The following SNTG1 variants were observed in gnomAD, a reference collection of about 807,000 sequenced individuals.
The protein encoded by SNTG1 is syntrophin gamma 1.
In SNTG1, 39 loss-of-function variants were observed where a neutral mutation model predicts 74.7. That is an observed-to-expected ratio of 0.52 (90% CI 0.40 to 0.68). SNTG1 has a LOEUF of 0.68. Ranked by LOEUF, SNTG1 falls within the 30% of genes least tolerant of loss-of-function variation. The pLI is 0.00. For synonymous variants in SNTG1, 254 were observed against 217.1 expected, an observed-to-expected ratio of 1.17 and a Z score of -1.49; for missense variants, 685 against 609.5, an observed-to-expected ratio of 1.12 and a Z score of -1.30.
chr8:50,079,306 CCAGTGATAAT>C (rs1201123025), intron 1 of SNTG1, among the ~76,000 whole-genome samples: 2 of 152,116 alleles, frequency 1.3e-5, no homozygotes, highest in African/African-American at 2.4e-5. Context: ...TCTCTAATGA[CCAGTGATAAT>C]CAGCTTTTTT....
intron 17 of SNTG1, among the ~76,000 whole-genome samples, chr8:50,716,931 T>C (rs1004603600): frequency 6.6e-6 from 1 of 151,826 alleles, no homozygotes; most frequent in African/African-American, 2.4e-5. Context: ...GGAGACTAAG[T>C]TTCACCGTGT....
At chr8:50,226,721 T>A (rs1041086626) in intron 2 of SNTG1, among the ~76,000 whole-genome samples, 3 of 152,130 alleles carry the variant, frequency 2.0e-5, no homozygotes, top group African/African-American at 7.2e-5. Context: ...GTTTCTTAAG[T>A]GTATTTGGTT....
intron 1 of SNTG1, among the ~76,000 whole-genome samples, chr8:49,938,418 G>T (rs1428563374): frequency 6.6e-6 from 1 of 152,004 alleles, no homozygotes. Context: ...TATTAAATTG[G>T]ATACTCAGGA....
At chr8:50,205,920 G>T (rs551225064) in intron 2 of SNTG1, among the ~76,000 whole-genome samples, 1 of 152,166 alleles carries the variant, frequency 6.6e-6, no homozygotes, top group South Asian at 2.1e-4. Context: ...CTGTTCCATT[G>T]GTCTATATAT....
intron 13 of SNTG1, among the ~76,000 whole-genome samples, chr8:50,651,629 G>A (rs28470793): frequency 0.21 from 32,446 of 151,026 alleles, 3,876 homozygotes; most frequent in African/African-American, 0.31. Flanking sequence ...AACTAATTTT[G>A]TATTTTTAGT....
chr8:50,520,724 A>G (rs2094172762), intron 9 of SNTG1, among the ~76,000 whole-genome samples: 1 of 152,226 alleles, frequency 6.6e-6, no homozygotes, highest in African/African-American at 2.4e-5. Flanking sequence ...ACAACGAGAT[A>G]CCATCTCACG....
chr8:50,687,070 G>A (rs995665397), intron 15 of SNTG1, among the ~76,000 whole-genome samples: 15 of 151,062 alleles, frequency 9.9e-5, no homozygotes, highest in African/African-American at 3.2e-4. Context: ...GGGAAGCGGA[G>A]CTTGCAGTGA....
chr8:50,406,044 A>T (rs1349920314), intron 4 of SNTG1, among the ~76,000 whole-genome samples: 1 of 152,142 alleles, frequency 6.6e-6, no homozygotes, highest in African/African-American at 2.4e-5. Flanking sequence ...TTAAGATCTC[A>T]AATAAATTTT....
At chr8:50,780,652 C>T (rs1377094300) in intron 18 of SNTG1, among the ~76,000 whole-genome samples, 1 of 152,168 alleles carries the variant, frequency 6.6e-6, no homozygotes, top group Non-Finnish European at 1.5e-5. Context: ...TTCAAAAAAC[C>T]AGCTCCTGGA....
chr8:49,996,348 A>G (rs1281119586), intron 1 of SNTG1, among the ~76,000 whole-genome samples: 1 of 151,524 alleles, frequency 6.6e-6, no homozygotes, highest in African/African-American at 2.4e-5. Flanking sequence ...CAAGGTAAAA[A>G]ATTAAAGAAG....
At chr8:50,008,554 A>G (rs966305908) in intron 1 of SNTG1, among the ~76,000 whole-genome samples, 11 of 152,178 alleles carry the variant, frequency 7.2e-5, no homozygotes, top group Non-Finnish European at 1.5e-4. Context: ...GGATGGATCA[A>G]TGGACAAGTG....
chr8:50,599,593 T>G (rs1397786443), intron 13 of SNTG1, among the ~76,000 whole-genome samples: 1 of 152,102 alleles, frequency 6.6e-6, no homozygotes, highest in Non-Finnish European at 1.5e-5. Flanking sequence ...TATTTGTGAC[T>G]ATTACAAATG....
chr8:49,985,876 C>A (rs1044963226), intron 1 of SNTG1, among the ~76,000 whole-genome samples: 1 of 152,044 alleles, frequency 6.6e-6, no homozygotes, highest in African/African-American at 2.4e-5. Context: ...CTTAGTAAAT[C>A]TGATATGACC....
chr8:50,153,099 C>T lies in SNTG1; in HGVS notation c.-102-19462C>T, dbSNP rs193011247. Among the ~76,000 whole-genome samples, 15 of 152,230 alleles carry T rather than the reference C, an allele frequency of 9.9e-5. No individual in the cohort carries two copies. In the East Asian group the frequency reaches 1.7e-3, roughly 18 times the overall value. ...TACCATATTTCTTGGAGGCCTTGTT[C>T]GTTTCTTTTTACTCTTTTTTCTCTA... is the stretch of plus-strand genomic sequence containing the variant. On this transcript the variant is annotated intron_variant, in intron 1 of 18. Coordinates refer to ENST00000642720, the MANE Select transcript of SNTG1 (RefSeq NM_018967.5).
intron 11 of SNTG1, among the ~76,000 whole-genome samples, chr8:50,549,374 C>T (rs1325838961): frequency 6.6e-6 from 1 of 152,060 alleles, no homozygotes; most frequent in Non-Finnish European, 1.5e-5. Flanking sequence ...TCAATAACAT[C>T]CCCCTACCAA....
chr8:50,378,839 C>A (rs542472566), intron 2 of SNTG1, among the ~76,000 whole-genome samples: 1 of 152,012 alleles, frequency 6.6e-6, no homozygotes, highest in African/African-American at 2.4e-5. Context: ...AGGGCTTTTA[C>A]GGGCCTCAGA....
intron 2 of SNTG1, among the ~76,000 whole-genome samples, chr8:50,345,594 GT>G (rs2091447886): frequency 6.6e-6 from 1 of 152,130 alleles, no homozygotes; most frequent in African/African-American, 2.4e-5. Flanking sequence ...TTATGCATAT[GT>G]TAAATCAACT....
At chr8:50,503,151 G>T (rs184924056) in intron 9 of SNTG1, among the ~76,000 whole-genome samples, 3 of 152,186 alleles carry the variant, frequency 2.0e-5, no homozygotes, top group Admixed American at 2.0e-4. Flanking sequence ...TATCATGTAT[G>T]CATTATGCAT....
chr8:50,728,207 C>T (rs1460218476), intron 17 of SNTG1, among the ~76,000 whole-genome samples: 1 of 152,130 alleles, frequency 6.6e-6, no homozygotes, highest in African/African-American at 2.4e-5. Context: ...GGTGGTGTCC[C>T]CTTCTCATAG....
Sources: allele counts gnomAD v4.1 joint callset (sites outside exome capture counted in the v4.1 genomes callset), GRCh38; gene constraint gnomAD v4.1.1; transcripts MANE v1.5; gene names NCBI Gene and HGNC (gene_info 2026-07-23, HGNC 2026-07-21).